The following CAPN5 variants were observed in gnomAD, a reference collection of about 807,000 sequenced individuals.
The protein encoded by CAPN5 is calpain 5.
CAPN5 carries 54 observed loss-of-function variants against 73.0 expected under a neutral mutation model. The ratio of observed to expected loss-of-function variants is 0.74; its 90% CI spans 0.59 to 0.93. The LOEUF is 0.93. CAPN5 is among the 40% of genes least tolerant of loss of function. CAPN5 has a pLI of 0.00. For synonymous variants in CAPN5, 335 were observed against 356.9 expected, an observed-to-expected ratio of 0.94 and a Z score of 0.69; for missense variants, 785 against 882.9, an observed-to-expected ratio of 0.89 and a Z score of 1.41.
intron 3 of CAPN5, among the ~76,000 whole-genome samples, chr11:77,101,631 T>G (rs1950285336): frequency 6.6e-6 from 1 of 152,184 alleles, no homozygotes; most frequent in South Asian, 2.1e-4. Context: ...CATCTCACAA[T>G]TGACCGTGCT....
chr11:77,066,975 C>T lies in CAPN5; in HGVS notation c.-155C>T, dbSNP rs928446484. The T allele has an allele frequency of 1.3e-5, 2 of 152,020 alleles. No individual in the cohort carries two copies. Among genetic ancestry groups the T allele is most frequent in the Admixed American group, 1.3e-4 (2 of 15,254 alleles). The allele number at this position is 152,020 out of a possible 1,614,324, so 9.4% of individuals were successfully genotyped here. ...CGCCAGCCCCCGCCGCAGGCCAGTCCCAGCTGGATCTCCGGCCAGAGCCCG... is the reference window on the plus strand; with the variant it reads ...CGCCAGCCCCCGCCGCAGGCCAGTCTCAGCTGGATCTCCGGCCAGAGCCCG... On this transcript the variant is annotated 5_prime_UTR_variant, in exon 1 of 13. Transcript: ENST00000648180.
rs1950181212 is a variant in CAPN5 at position 77,093,937 on chromosome 11, G to A, written c.297+124G>A. ...CTTTCAAAAGCCTGTGCCAGGGATGGGGTGGGGGCCCCCAGTACTGGCCGA... is the reference window on the plus strand; with the variant it reads ...CTTTCAAAAGCCTGTGCCAGGGATGAGGTGGGGGCCCCCAGTACTGGCCGA... On this transcript the variant is annotated intron_variant, in intron 3 of 12. Coordinates refer to ENST00000648180, the MANE Select transcript of CAPN5 (RefSeq NM_004055.5). 9.9e-6 allele frequency: 14 copies of A among 1,411,768 alleles called. No homozygotes were observed. In the South Asian group the frequency reaches 1.9e-4, roughly 19 times the overall value. The allele number at this position is 1,411,768 out of a possible 1,614,324, so 87.5% of individuals were successfully genotyped here. A position where few individuals can be genotyped will look rare whatever the true frequency, so the allele number is the denominator to read the frequency against.
chr11:77,121,948 A>T lies in CAPN5; in HGVS notation c.1502A>T (p.Asp501Val), dbSNP rs1339300163. The change falls in exon 11 of 13, where the codon GAT becomes GTT. Residue 501 changes from aspartate (D) to valine (V), a missense_variant. By Grantham distance (152) the Asp-to-Val change is radical (BLOSUM62 -3). Coordinates refer to ENST00000648180, the MANE Select transcript of CAPN5 (RefSeq NM_004055.5). Reference protein sequence around the residue: ...VPSNCRELRLDEPPHTCWSSL... With the variant: ...VPSNCRELRLVEPPHTCWSSL... ...CCCCATATCAGGGAGCTGCGCCTGGATGAGCCCCCACACACCTGCTGGAGC... is the reference window on the plus strand; with the variant it reads ...CCCCATATCAGGGAGCTGCGCCTGGTTGAGCCCCCACACACCTGCTGGAGC... The T allele has an allele frequency of 6.4e-7, 1 of 1,550,746 alleles. No homozygotes were observed. The highest frequency in any genetic ancestry group is 8.7e-7 in the Non-Finnish European group (1 of 1,146,884).
intron 2 of CAPN5, among the ~76,000 whole-genome samples, chr11:77,088,901 A>T (rs1013313496): frequency 1.3e-5 from 2 of 152,060 alleles, no homozygotes; most frequent in Non-Finnish European, 2.9e-5. Context: ...TGAGCAGGGG[A>T]GCGGTGACTG....
chr11:77,089,529 TG>T (rs2135430196), intron 2 of CAPN5, among the ~76,000 whole-genome samples: 1 of 152,278 alleles, frequency 6.6e-6, no homozygotes, highest in South Asian at 2.1e-4. Flanking sequence ...GGCCCCATGG[TG>T]GCAGAGGTGA....
rs1233394547 is a variant in CAPN5, at chr11:77,082,827, C to T, written c.-35-2025C>T. Among the ~76,000 whole-genome samples, 4 of 152,208 alleles carry T rather than the reference C, an allele frequency of 2.6e-5. No homozygotes were observed. In the South Asian group the frequency reaches 6.2e-4, roughly 24 times the overall value. On this transcript the variant is annotated intron_variant, in intron 1 of 12. Transcript: ENST00000648180. ...CACCAGCCTGGCTGTGTGCCCTGGG[C>T]GAGCTTCCTCTCCCTCTCTGGACCC...
At chr11:77,106,733 C>T (rs148448916) in intron 3 of CAPN5, among the ~76,000 whole-genome samples, 121 of 152,360 alleles carry the variant, frequency 7.9e-4, no homozygotes, top group African/African-American at 9.4e-4. Context: ...CATAGACACA[C>T]GGTCTCCTCT....
At chr11:77,084,322 A>C (rs1406775408) in intron 1 of CAPN5, among the ~76,000 whole-genome samples, 2 of 152,178 alleles carry the variant, frequency 1.3e-5, no homozygotes, top group African/African-American at 4.8e-5. Context: ...CCTATTCCCA[A>C]GATGCTGTGA....
At chr11:77,103,753 C>T (rs1319718648) in intron 3 of CAPN5, among the ~76,000 whole-genome samples, 5 of 152,216 alleles carry the variant, frequency 3.3e-5, no homozygotes, top group Admixed American at 1.3e-4. Flanking sequence ...GATGATGGGG[C>T]GTCTCCACGG....
At chr11:77,089,335 G>A (rs544964898) in intron 2 of CAPN5, among the ~76,000 whole-genome samples, 2 of 152,344 alleles carry the variant, frequency 1.3e-5, no homozygotes, top group Admixed American at 1.3e-4. Flanking sequence ...CTGCCTCCAG[G>A]CAGCCTCCTC....
chr11:77,086,179 A>G (rs1478621228), intron 2 of CAPN5, among the ~76,000 whole-genome samples: 1 of 152,198 alleles, frequency 6.6e-6, no homozygotes, highest in Non-Finnish European at 1.5e-5. Context: ...AAAGGCTTTC[A>G]GCAGCCTGTA....
In CAPN5 at chr11:77,093,830, A is replaced by T. The variant is rs1555037063; in HGVS notation, c.297+17A>T. On this transcript the variant is annotated intron_variant, in intron 3 of 12. Coordinates refer to ENST00000648180, the MANE Select transcript of CAPN5 (RefSeq NM_004055.5). ...TGGCAAAAGGTGAGGCCTCGGGCAG[A>T]GTGGGCAGGGTGCTGGGGAGTGTGA... The T allele has an allele frequency of 1.0e-5, 16 of 1,606,980 alleles. No homozygotes were observed. Among genetic ancestry groups the T allele is most frequent in the Middle Eastern group, 1.7e-4 (1 of 6,004 alleles).
At chr11:77,120,952 A>T (rs369222542) in intron 10 of CAPN5, 43 bp downstream of exon 10, 1 of 1,573,004 alleles carries the variant, frequency 6.4e-7, no homozygotes, top group African/African-American at 1.3e-5. Context: ...TGGGAGTGAC[A>T]TTCACACTGG....
At chr11:77,111,177 AGCACTTT>A (rs1950406882) in intron 3 of CAPN5, among the ~76,000 whole-genome samples, 1 of 151,904 alleles carries the variant, frequency 6.6e-6, no homozygotes, top group Non-Finnish European at 1.5e-5. Flanking sequence ...GTGTAGCCTC[AGCACTTT>A]GCCTGGGTGC....
rs1489365870 is a variant in CAPN5, at chr11:77,114,332, G to A, written c.597G>A (p.Leu199=). The A allele has an allele frequency of 3.1e-6, 5 of 1,614,088 alleles. No individual in the cohort carries two copies. The African/African-American group carries it at 5.3e-5, about 17-fold the overall frequency. ...GTGGTGTTTCTGAGCCCATCGACCT[G>A]ACCGAGGGTGACTTTGCCAACGATG... ...FTGGVSEPID[L]TEGDFANDET... The change falls in exon 5 of 13, where the codon CTG becomes CTA. Residue 199 remains leucine (L), a synonymous_variant. Transcript: ENST00000648180.
intron 1 of CAPN5, among the ~76,000 whole-genome samples, chr11:77,070,760 G>T (rs562162090): frequency 6.6e-6 from 1 of 152,180 alleles, no homozygotes; most frequent in African/African-American, 2.4e-5. Context: ...TAAAATCCAG[G>T]CTGGCTTCTT....
At position 77,085,062 on chromosome 11, in the gene CAPN5, G is replaced by A. The variant is rs1565260003; in HGVS notation, c.165+11G>A. On this transcript the variant is annotated intron_variant, in intron 2 of 12. Coordinates refer to ENST00000648180, the MANE Select transcript of CAPN5 (RefSeq NM_004055.5). ...TGGAAGCGACCCAAGGTCAGTGTCT[G>A]GTCCCAGCTGGAGCTGGGTGAGCGG... 6.2e-7 allele frequency: 1 copy of A among 1,611,828 alleles called. No individual in the cohort carries two copies. Among genetic ancestry groups the A allele is most frequent in the African/African-American group, 1.3e-5 (1 of 75,074 alleles).
chr11:77,122,541 C>A, intron 11 of CAPN5, 35 bp from the exon 12 acceptor site: 3 of 1,176,352 alleles, frequency 2.6e-6, no homozygotes, highest in South Asian at 2.6e-5. Flanking sequence ...GCCCCCACCC[C>A]CACCCTCACC....
intron 1 of CAPN5, chr11:77,073,239 T>C: frequency 1.7e-6 from 1 of 595,766 alleles, no homozygotes; most frequent in Non-Finnish European, 2.7e-6. Context: ...AGGCTTGGCC[T>C]GGGGCTGCCC....
Sources: gnomAD v4.1 joint callset for allele counts (sites outside exome capture counted in the v4.1 genomes callset) on GRCh38, gnomAD v4.1.1 for gene constraint, MANE v1.5 for transcripts, NCBI Gene and HGNC (gene_info 2026-07-23, HGNC 2026-07-21) for gene names.